Variants in DNM2 observed in about 807,000 individuals in gnomAD.
DNM2 encodes dynamin 2, also known as dynamin-2.
DNM2 carries 15 observed loss-of-function variants against 99.0 expected under a neutral mutation model. That is an observed-to-expected ratio of 0.15 (90% CI 0.10 to 0.23). The LOEUF (loss-of-function observed/expected upper bound fraction) is 0.23. Among genes scored for constraint, DNM2 ranks in the 10% least tolerant of loss-of-function variants. The probability of loss-of-function intolerance (pLI) is 1.00; values close to 1 mark genes in which losing one functional copy is unlikely to be tolerated. For missense variants in DNM2, 742 were observed against 1,189.4 expected (o/e 0.62, Z 5.53); for synonymous variants, 525 against 481.2 (o/e 1.09, Z -1.19).
intron 1 of DNM2, among the ~76,000 whole-genome samples, chr19:10,724,442 G>T (rs767211787): frequency 2.2e-4 from 33 of 152,322 alleles, no homozygotes; most frequent in Middle Eastern, 3.4e-3. Context: ...CTCCCAAAGT[G>T]CTGGGATAAC....
At position 10,759,196 on chromosome 19, in the gene DNM2, TCAC is replaced by T. The variant is rs752913453; in HGVS notation, c.162-539_162-537del. Among the ~76,000 whole-genome samples the T allele has an allele frequency of 3.5e-4, 54 of 152,188 alleles. 1 individual carries two copies. The highest frequency in any genetic ancestry group is 7.2e-5 in the African/African-American group (3 of 41,442). On this transcript the variant is annotated intron_variant, in intron 1 of 20. Transcript: ENST00000389253. ...CTTTTACAGTTAATTTTAGTAAACA[TCAC>T]CATAGTCCAGATGTAGAACATTTTC...
chr19:10,831,579 C>A lies in DNM2; in HGVS notation c.*532C>A, dbSNP rs1297211052. ...ACATAGTCCTTCCCGGCCATATTAACCACACAGCCTGAGCCTGGCCCAGCC... is the reference window on the plus strand; with the variant it reads ...ACATAGTCCTTCCCGGCCATATTAAACACACAGCCTGAGCCTGGCCCAGCC... On this transcript the variant is annotated 3_prime_UTR_variant, in exon 21 of 21. Coordinates refer to ENST00000389253, the MANE Select transcript of DNM2 (RefSeq NM_001005361.3). The surrounding 1 kb of genome is among the most constrained non-coding windows in gnomAD (Gnocchi z 4.3). The A allele has an allele frequency of 5.1e-6, 5 of 985,896 alleles. No homozygotes were observed. Among genetic ancestry groups the A allele is most frequent in the Non-Finnish European group, 6.0e-6 (5 of 830,068 alleles). 61.1% of individuals were successfully genotyped at this position (985,896 alleles called of 1,614,324 possible). A position where few individuals can be genotyped will look rare whatever the true frequency, so the allele number is the denominator to read the frequency against.
chr19:10,755,670 T>C (rs561909009), intron 1 of DNM2, among the ~76,000 whole-genome samples: 5 of 151,604 alleles, frequency 3.3e-5, no homozygotes, highest in African/African-American at 1.2e-4. Context: ...GTATTGTTTT[T>C]GTTTTTGTTT....
At chr19:10,773,633 A>T (rs182668024) in intron 3 of DNM2, among the ~76,000 whole-genome samples, 8,814 of 149,500 alleles carry the variant, frequency 0.059, 275 homozygotes, top group South Asian at 0.098. Context: ...TTTATTTTTT[A>T]TTTTTTTTAT....
intron 1 of DNM2, among the ~76,000 whole-genome samples, chr19:10,727,649 C>T (rs1229768460): frequency 6.6e-6 from 1 of 152,098 alleles, no homozygotes; most frequent in African/African-American, 2.4e-5. Flanking sequence ...GGATTACAGG[C>T]AAGAGCCACG....
At chr19:10,744,816 T>C (rs77245242) in intron 1 of DNM2, among the ~76,000 whole-genome samples, 4,624 of 152,038 alleles carry the variant, frequency 0.03, 79 homozygotes, top group South Asian at 0.095. Flanking sequence ...CTGGCTGGGG[T>C]ACTCAGGCCA....
rs1030853298 is a variant in DNM2 at position 10,816,166 on chromosome 19, T to C, written c.1671+3789T>C. Among the ~76,000 whole-genome samples, 6 of 151,922 alleles carry C rather than the reference T, an allele frequency of 3.9e-5. No homozygotes were observed. The highest frequency in any genetic ancestry group is 7.4e-5 in the Non-Finnish European group (5 of 67,946). On this transcript the variant is annotated intron_variant, in intron 15 of 20. Transcript: ENST00000389253. The surrounding 1 kb of genome is among the most constrained non-coding windows in gnomAD (Gnocchi z 4.6). ...TCCCCAGTGCACGTCTGCGGGCCCA[T>C]GCTCCCTGACCTGAGGGACACCCCA...
At chr19:10,757,207 C>G (rs1044453221) in intron 1 of DNM2, among the ~76,000 whole-genome samples, 1 of 152,160 alleles carries the variant, frequency 6.6e-6, no homozygotes, top group African/African-American at 2.4e-5. Flanking sequence ...CATCACGATC[C>G]CTTTTCTCAT....
rs953057550 is a variant in DNM2, at chr19:10,831,426, C to G, written c.*379C>G. Reference sequence around the variant, plus strand: ...GCAGGCCTTCTATAAGTGCGGGCACCAAGGGCGCCTACATCCCCAGGCCTT... The same window carrying G: ...GCAGGCCTTCTATAAGTGCGGGCACGAAGGGCGCCTACATCCCCAGGCCTT... On this transcript the variant is annotated 3_prime_UTR_variant, in exon 21 of 21. Coordinates refer to ENST00000389253, the MANE Select transcript of DNM2 (RefSeq NM_001005361.3). The surrounding 1 kb of genome is among the most constrained non-coding windows in gnomAD (Gnocchi z 4.3). 2.9e-6 allele frequency: 3 copies of G among 1,022,608 alleles called. No homozygotes were observed. Among genetic ancestry groups the G allele is most frequent in the Non-Finnish European group, 3.5e-6 (3 of 854,554 alleles). 63.3% of individuals were successfully genotyped at this position (1,022,608 alleles called of 1,614,324 possible). A position where few individuals can be genotyped will look rare whatever the true frequency, so the allele number is the denominator to read the frequency against.
chr19:10,773,006 GTC>G (rs1661638435), intron 3 of DNM2, among the ~76,000 whole-genome samples: 2 of 140,042 alleles, frequency 1.4e-5, no homozygotes, highest in Admixed American at 1.5e-4. Flanking sequence ...TTGAGACAGA[GTC>G]TTGCTCTGTT....
Position 10,812,153 on chromosome 19 carries a change from G to A in DNM2, c.1558-111G>A. On this transcript the variant is annotated intron_variant, in intron 14 of 20. Coordinates refer to ENST00000389253, the MANE Select transcript of DNM2 (RefSeq NM_001005361.3). The surrounding 1 kb of genome is among the most constrained non-coding windows in gnomAD (Gnocchi z 4.0). ...TTTCCTGGGCTTTGGGGCTGGAGGT[G>A]TCTCTATTGCGGTCCCTGGCTTCCC... 1 of 872,554 alleles carries A rather than the reference G, an allele frequency of 1.1e-6. No homozygotes were observed. The highest frequency in any genetic ancestry group is 1.8e-6 in the Non-Finnish European group (1 of 555,444). The allele number at this position is 872,554 out of a possible 1,614,324, so 54.1% of individuals were successfully genotyped here. A position where few individuals can be genotyped will look rare whatever the true frequency, so the allele number is the denominator to read the frequency against.
chr19:10,808,646 CCCTAAT>C, intron 14 of DNM2, 66 bp downstream of exon 14: 1 of 1,530,822 alleles, frequency 6.5e-7, no homozygotes, highest in Non-Finnish European at 8.9e-7. Context: ...CCCCGCCCAC[CCCTAAT>C]ATTCCCTGTT....
rs1173105671 is a variant in DNM2 at position 10,830,361 on chromosome 19, T to C, written c.2526T>C (p.Ile842=). The change falls in exon 20 of 21, where the codon ATT becomes ATC. Residue 842 remains isoleucine (I), a synonymous_variant. Transcript: ENST00000389253. The surrounding 1 kb of genome is among the most constrained non-coding windows in gnomAD (Gnocchi z 4.8). The part of the protein sequence containing the change: ...PSRPVRIPPG[I]PPGVPSRRPP... ...GGCCAGTTCGGATCCCCCCAGGGAT[T>C]CCCCCAGGAGTGCCCAGGTAAGGCC... 3.7e-6 allele frequency: 6 copies of C among 1,611,284 alleles called. No homozygotes were observed. The African/African-American group carries it at 8.0e-5, about 22-fold the overall frequency.
At chr19:10,762,194 G>A (rs543196066) in intron 2 of DNM2, among the ~76,000 whole-genome samples, 73 of 152,108 alleles carry the variant, frequency 4.8e-4, no homozygotes, top group African/African-American at 3.6e-4. Flanking sequence ...GAGCTACCAC[G>A]CCCGGCTAAT....
intron 7 of DNM2, 142 bp downstream of exon 7, chr19:10,786,848 G>A: frequency 1.3e-6 from 2 of 1,499,870 alleles, no homozygotes; most frequent in South Asian, 2.5e-5. Flanking sequence ...TGCGTGCCAG[G>A]CTCCATCCTA....
At chr19:10,782,297 G>C (rs547391879) in intron 5 of DNM2, among the ~76,000 whole-genome samples, 2 of 152,202 alleles carry the variant, frequency 1.3e-5, no homozygotes, top group East Asian at 3.9e-4. Context: ...GCCTCCCAAA[G>C]TGTTGGAATT....
intron 2 of DNM2, among the ~76,000 whole-genome samples, chr19:10,769,048 G>A (rs1040954736): frequency 2.6e-5 from 4 of 152,132 alleles, no homozygotes; most frequent in African/African-American, 9.7e-5. Flanking sequence ...CTGCCTGTGT[G>A]TGCTGGGGGA....
At chr19:10,769,497 G>C (rs923390607) in intron 2 of DNM2, 2 of 152,268 alleles carry the variant, frequency 1.3e-5, no homozygotes, top group East Asian at 3.8e-4. Context: ...AGGCCTGCTA[G>C]GGAGAGGGCC....
intron 15 of DNM2, among the ~76,000 whole-genome samples, chr19:10,814,030 C>T (rs1014413953): frequency 2.0e-5 from 3 of 151,956 alleles, no homozygotes; most frequent in South Asian, 2.1e-4. Flanking sequence ...GGTGTGGTGG[C>T]GCACGCTTGT....
Sources: gnomAD v4.1 joint callset for allele counts (sites outside exome capture counted in the v4.1 genomes callset) on GRCh38, gnomAD v4.1.1 for gene constraint, Gnocchi (gnomAD v3.1) non-coding constraint, MANE v1.5 for transcripts, NCBI Gene and HGNC (gene_info 2026-07-23, HGNC 2026-07-21) for gene names.